Variants in RANBP9 observed in about 807,000 individuals in gnomAD.
RANBP9 encodes the protein RAN binding protein 9, also known as ran-binding protein 9.
Under a neutral mutation model 84.3 loss-of-function variants are expected in RANBP9, and 15 were observed. The ratio of observed to expected loss-of-function variants is 0.18; its 90% CI spans 0.12 to 0.27. The LOEUF (loss-of-function observed/expected upper bound fraction) is 0.27. Ranked by LOEUF, RANBP9 falls within the 10% of genes least tolerant of loss-of-function variation. The probability of loss-of-function intolerance (pLI) is 1.00; values close to 1 mark genes in which losing one functional copy is unlikely to be tolerated. For missense variants in RANBP9, 809 were observed against 912.8 expected, an observed-to-expected ratio of 0.89 and a Z score of 1.46; for synonymous variants, 392 against 349.6, an observed-to-expected ratio of 1.12 and a Z score of -1.35.
At chr6:13,682,142 G>C (rs954737346) in intron 2 of RANBP9, among the ~76,000 whole-genome samples, 1 of 151,760 alleles carries the variant, frequency 6.6e-6, no homozygotes, top group Non-Finnish European at 1.5e-5. Flanking sequence ...GATTACAGGC[G>C]TGAGCCACCG....
At chr6:13,673,439 A>G (rs1170532908) in intron 2 of RANBP9, among the ~76,000 whole-genome samples, 9 of 152,248 alleles carry the variant, frequency 5.9e-5, no homozygotes, top group Admixed American at 5.9e-4. Flanking sequence ...GTGAGAAAAT[A>G]GAATCCTTAT....
intron 5 of RANBP9, 71 bp from the exon 6 acceptor site, chr6:13,644,800 A>C (rs1765144900): frequency 8.3e-7 from 1 of 1,203,860 alleles, no homozygotes; most frequent in Admixed American, 2.8e-5. Flanking sequence ...TTAATGTTAC[A>C]TTTAAAAGAA....
intron 2 of RANBP9, among the ~76,000 whole-genome samples, chr6:13,688,768 C>T (rs1195542280): frequency 6.6e-6 from 1 of 151,882 alleles, no homozygotes; most frequent in Non-Finnish European, 1.5e-5. Context: ...AACTCTGTAG[C>T]AGTCTTGCAG....
intron 5 of RANBP9, among the ~76,000 whole-genome samples, chr6:13,647,509 C>T (rs1008120016): frequency 1.3e-5 from 2 of 152,072 alleles, no homozygotes; most frequent in Admixed American, 6.5e-5. Flanking sequence ...ATGTCCTATA[C>T]ACACTAAAGC....
chr6:13,660,622 A>G (rs1765520398), intron 2 of RANBP9, among the ~76,000 whole-genome samples: 1 of 152,250 alleles, frequency 6.6e-6, no homozygotes, highest in African/African-American at 2.4e-5. Flanking sequence ...AAAACTGAGC[A>G]AAATTATTTC....
In RANBP9 at chr6:13,636,254, G is replaced by GA. The variant is rs535270078; in HGVS notation, c.1673+1553dup. The stretch of plus-strand genomic sequence containing the variant: ...ACTAGCTACTAATAATTGACCTTAA[G>GA]AAAAAAAAGTCATTTACTTTTCTGA... On this transcript the variant is annotated intron_variant, in intron 10 of 13. Coordinates refer to ENST00000011619, the MANE Select transcript of RANBP9 (RefSeq NM_005493.3). 2.7e-3 allele frequency among the ~76,000 whole-genome samples: 407 copies of GA among 151,782 alleles called. 2 individuals carry two copies. The highest frequency in any genetic ancestry group is 9.6e-3 in the African/African-American group (396 of 41,392).
Position 13,647,733 on chromosome 6 carries a change from ATACAT to A in RANBP9, c.928-3009_928-3005del, listed in dbSNP as rs529844093. ...ATTTCTCATTTAAGTATTTAATACT[ATACAT>A]TACTTCTGTAATCTGATATTGATTA... is the stretch of plus-strand genomic sequence containing the variant. On this transcript the variant is annotated intron_variant, in intron 5 of 13. Transcript: ENST00000011619. Among the ~76,000 whole-genome samples the A allele has an allele frequency of 2.4e-4, 37 of 152,320 alleles. No individual in the cohort carries two copies. In the South Asian group the frequency reaches 7.0e-3, roughly 29 times the overall value.
At chr6:13,660,247 A>G (rs1765509706) in intron 2 of RANBP9, among the ~76,000 whole-genome samples, 1 of 152,190 alleles carries the variant, frequency 6.6e-6, no homozygotes, top group Non-Finnish European at 1.5e-5. Context: ...AGAGGCTCAC[A>G]CCTGGAATCC....
At chr6:13,629,195 C>T (rs1238299299) in intron 12 of RANBP9, among the ~76,000 whole-genome samples, 2 of 152,140 alleles carry the variant, frequency 1.3e-5, no homozygotes, top group Non-Finnish European at 2.9e-5. Context: ...ACTGCAGCCT[C>T]GAGCTTCTGG....
In RANBP9 at chr6:13,711,263, G is replaced by A; in HGVS notation, c.243C>T (p.Ala81=). Residue 81 remains alanine, a synonymous_variant, in exon 1 of 14, where the codon GCC becomes GCT. Coordinates refer to ENST00000011619, the MANE Select transcript of RANBP9 (RefSeq NM_005493.3). The part of the protein sequence containing the change: ...PPPPPPPATA[A]PPPPPPPPPP... ...GCGGGGGCGGCGGCGGGGGCGGCGG[G>A]GCCGCGGTGGCCGGGGGCGGCGGCG... 10 of 979,154 alleles carry A rather than the reference G, an allele frequency of 1.0e-5. No individual in the cohort carries two copies. Among genetic ancestry groups the A allele is most frequent in the Non-Finnish European group, 1.2e-5 (10 of 825,630 alleles). The allele number at this position is 979,154 out of a possible 1,614,324, so 60.7% of individuals were successfully genotyped here. A position where few individuals can be genotyped will look rare whatever the true frequency, so the allele number is the denominator to read the frequency against.
intron 6 of RANBP9, among the ~76,000 whole-genome samples, chr6:13,643,649 T>A (rs1765116658): frequency 2.0e-5 from 3 of 152,220 alleles, no homozygotes; most frequent in Admixed American, 1.3e-4. Flanking sequence ...TTAAGATAAA[T>A]GTTTTCTACT....
intron 2 of RANBP9, among the ~76,000 whole-genome samples, chr6:13,688,659 C>T (rs1226109481): frequency 6.6e-6 from 1 of 151,862 alleles, no homozygotes; most frequent in Non-Finnish European, 1.5e-5. Context: ...TAAATCTCCT[C>T]GTCTGTTATT....
chr6:13,682,734 G>T (rs150696929), intron 2 of RANBP9, among the ~76,000 whole-genome samples: 1 of 152,076 alleles, frequency 6.6e-6, no homozygotes, highest in African/African-American at 2.4e-5. Context: ...TTTTAATTTG[G>T]CAATGTATCA....
chr6:13,641,999 C>T (rs1278517267), intron 7 of RANBP9, among the ~76,000 whole-genome samples: 1 of 152,160 alleles, frequency 6.6e-6, no homozygotes, highest in Admixed American at 6.5e-5. Context: ...ACCAGTTATG[C>T]TGACTTGCCA....
intron 13 of RANBP9, 25 bp from the exon 14 acceptor site, chr6:13,622,517 AG>A: frequency 6.5e-7 from 1 of 1,538,822 alleles, no homozygotes; most frequent in Non-Finnish European, 8.7e-7. Flanking sequence ...TTTAAAAATG[AG>A]AACAGCAATT....
At chr6:13,676,727 G>C (rs1016146953) in intron 2 of RANBP9, among the ~76,000 whole-genome samples, 4 of 151,894 alleles carry the variant, frequency 2.6e-5, no homozygotes, top group African/African-American at 9.7e-5. Context: ...AAAAAACAAT[G>C]TAATCAATCA....
At chr6:13,708,647 T>C (rs1173877532) in intron 1 of RANBP9, among the ~76,000 whole-genome samples, 5 of 152,202 alleles carry the variant, frequency 3.3e-5, no homozygotes, top group African/African-American at 7.2e-5. Context: ...TGCAGCACAA[T>C]GATAGGTTAA....
chr6:13,692,627 G>A (rs1243211668), intron 2 of RANBP9, among the ~76,000 whole-genome samples: 19 of 151,494 alleles, frequency 1.3e-4, no homozygotes, highest in African/African-American at 4.1e-4. Context: ...AGAGGCAGGC[G>A]GATCACCTGA....
intron 2 of RANBP9, among the ~76,000 whole-genome samples, chr6:13,666,088 C>G (rs894841176): frequency 6.6e-6 from 1 of 152,052 alleles, no homozygotes; most frequent in African/African-American, 2.4e-5. Flanking sequence ...AAAGAGTACA[C>G]TTAAGATGTG....
Sources: allele counts gnomAD v4.1 joint callset (sites outside exome capture counted in the v4.1 genomes callset), GRCh38; gene constraint gnomAD v4.1.1; transcripts MANE v1.5; gene names NCBI Gene and HGNC (gene_info 2026-07-23, HGNC 2026-07-21).